KMT2C: variants seen among roughly 807,000 people sequenced by gnomAD.
KMT2C encodes lysine methyltransferase 2C.
A neutral mutation model predicts 507.9 loss-of-function variants in KMT2C; 88 were observed. The ratio of observed to expected loss-of-function variants is 0.17; its 90% confidence interval spans 0.15 to 0.21. The LOEUF (loss-of-function observed/expected upper bound fraction) is 0.21. KMT2C is among the 10% of genes least tolerant of loss of function. The pLI is 1.00. For missense variants in KMT2C, 4,954 were observed against 5,957.8 expected (o/e 0.83, Z 5.55); for synonymous variants, 2,049 against 2,080.8 (o/e 0.98, Z 0.42).
intron 14 of KMT2C, among the ~76,000 whole-genome samples, chr7:152,246,274 A>C (rs1210946235): frequency 1.2e-4 from 19 of 152,280 alleles, no homozygotes; most frequent in African/African-American, 4.6e-4. Context: ...GGAGGGAGGG[A>C]AAACACAGCC....
At chr7:152,387,469 ATT>A (rs34278604) in intron 1 of KMT2C, among the ~76,000 whole-genome samples, 8 of 115,700 alleles carry the variant, frequency 6.9e-5, no homozygotes, top group African/African-American at 2.3e-4. Context: ...GTATAATTCC[ATT>A]TTTTTTTTTT....
At chr7:152,165,909 A>T (rs773673346) in intron 42 of KMT2C, among the ~76,000 whole-genome samples, 1 of 152,154 alleles carries the variant, frequency 6.6e-6, no homozygotes, top group Non-Finnish European at 1.5e-5. Flanking sequence ...GCTGGTCTCG[A>T]ACTCCTGGCC....
At chr7:152,250,392 T>C (rs916260616) in intron 12 of KMT2C, among the ~76,000 whole-genome samples, 5 of 152,310 alleles carry the variant, frequency 3.3e-5, no homozygotes, top group African/African-American at 1.2e-4. Flanking sequence ...CATGGTCTCT[T>C]ATTAATTCCA....
At chr7:152,173,782 A>C (rs1006955110) in intron 39 of KMT2C, among the ~76,000 whole-genome samples, 1 of 152,184 alleles carries the variant, frequency 6.6e-6, no homozygotes, top group African/African-American at 2.4e-5. Flanking sequence ...TCAGTGTCTT[A>C]ACTGAAAAAA....
intron 6 of KMT2C, among the ~76,000 whole-genome samples, chr7:152,282,877 T>A (rs1344448183): frequency 6.9e-6 from 1 of 144,576 alleles, no homozygotes; most frequent in African/African-American, 2.6e-5. Context: ...AAATTAAGTT[T>A]TTTCTAGAAA....
chr7:152,345,556 G>T (rs535979188), intron 2 of KMT2C, among the ~76,000 whole-genome samples: 1 of 152,144 alleles, frequency 6.6e-6, no homozygotes, highest in South Asian at 2.1e-4. Context: ...ACAGAGTCTT[G>T]CTCTGTCGCC....
At chr7:152,337,493 C>T (rs1054078189) in intron 2 of KMT2C, among the ~76,000 whole-genome samples, 1 of 152,108 alleles carries the variant, frequency 6.6e-6, no homozygotes, top group Non-Finnish European at 1.5e-5. Flanking sequence ...TTATCCTACA[C>T]AAATTGGTTC....
chr7:152,364,629 A>AAAAAAAAAAAAAAAAAAAG (rs1554679999), intron 1 of KMT2C, among the ~76,000 whole-genome samples: 1 of 147,654 alleles, frequency 6.8e-6, no homozygotes, highest in African/African-American at 2.6e-5. Flanking sequence ...AAGAAAAGAA[A>AAAAAAAAAAAAAAAAAAAG]AAAAGAAAAA....
At chr7:152,346,921 TAA>T (rs541651870) in intron 2 of KMT2C, among the ~76,000 whole-genome samples, 3,780 of 152,196 alleles carry the variant, frequency 0.025, 155 homozygotes, top group African/African-American at 0.086. Flanking sequence ...GGTCAGGAGA[TAA>T]GAGACCATCC....
rs566835310 is a variant in KMT2C, at chr7:152,271,744, G to A, written c.1012+1961C>T. On this transcript the variant is annotated intron_variant, in intron 7 of 58. Coordinates refer to ENST00000262189, the MANE Select transcript of KMT2C (RefSeq NM_170606.3). ...ATTTAGGCCTTGATTTTACACCACC[G>A]ACTTAGTTTGAAGGCTGCTATAAGA... 2.4e-4 allele frequency among the ~76,000 whole-genome samples: 35 copies of A among 148,310 alleles called. No homozygotes were observed. The South Asian group carries it at 2.6e-3, about 11-fold the overall frequency.
intron 1 of KMT2C, among the ~76,000 whole-genome samples, chr7:152,398,016 T>C (rs2097547434): frequency 6.6e-6 from 1 of 152,208 alleles, no homozygotes. Context: ...TGCCTCCACA[T>C]CATTCACGTG....
intron 46 of KMT2C, among the ~76,000 whole-genome samples, 200 bp from the exon 47 acceptor site, chr7:152,154,645 G>A (rs1028517942): frequency 3.9e-5 from 6 of 152,160 alleles, no homozygotes; most frequent in African/African-American, 1.4e-4. Flanking sequence ...TAATTTAAAT[G>A]GTATGTTTCC....
intron 1 of KMT2C, among the ~76,000 whole-genome samples, chr7:152,391,166 A>AAAAAAAAAAC: frequency 6.7e-6 from 1 of 148,870 alleles, no homozygotes; most frequent in Non-Finnish European, 1.5e-5. Flanking sequence ...AAAAAAAAAA[A>AAAAAAAAAAC]AGCCTTAAAA....
chr7:152,417,123 AAATAT>A (rs2116710582), intron 1 of KMT2C, among the ~76,000 whole-genome samples: 1 of 152,144 alleles, frequency 6.6e-6, no homozygotes, highest in Non-Finnish European at 1.5e-5. Flanking sequence ...CTAAGGCATC[AAATAT>A]AAGAAGGAAA....
chr7:152,415,133 G>A (rs73491320), intron 1 of KMT2C, among the ~76,000 whole-genome samples: 4 of 152,070 alleles, frequency 2.6e-5, no homozygotes, highest in Admixed American at 6.6e-5. Flanking sequence ...GATGGCATCC[G>A]GCCTTCAATA....
At chr7:152,237,152 G>A (rs2095291537) in intron 15 of KMT2C, among the ~76,000 whole-genome samples, 1 of 152,072 alleles carries the variant, frequency 6.6e-6, no homozygotes, top group South Asian at 2.1e-4. Flanking sequence ...CAGATGCTCA[G>A]GAAAATACTT....
At chr7:152,190,818 T>C (rs1005323813) in intron 31 of KMT2C, among the ~76,000 whole-genome samples, 6 of 152,200 alleles carry the variant, frequency 3.9e-5, no homozygotes, top group Admixed American at 1.3e-4. Flanking sequence ...ATCAATTCTA[T>C]TGAAGTTACT....
In KMT2C at chr7:152,264,052, G is replaced by A. The variant is rs7798932; in HGVS notation, c.1185-922C>T. On this transcript the variant is annotated intron_variant, in intron 8 of 58. Coordinates refer to ENST00000262189, the MANE Select transcript of KMT2C (RefSeq NM_170606.3). ...AGTCACGTTTTATCTCCTCAGCTAC[G>A]TGGAAAGATCTTGGAGGACAAGTAC... Among the ~76,000 whole-genome samples the A allele has an allele frequency of 9.2e-5, 14 of 152,204 alleles. No individual in the cohort carries two copies. The East Asian group carries it at 1.2e-3, about 13-fold the overall frequency.
intron 6 of KMT2C, among the ~76,000 whole-genome samples, chr7:152,309,611 C>A (rs2129199049): frequency 6.6e-6 from 1 of 150,394 alleles, no homozygotes; most frequent in South Asian, 2.1e-4. Flanking sequence ...CCTCCACCTC[C>A]CAGATTCAAG....
Sources: allele counts gnomAD v4.1 joint callset (sites outside exome capture counted in the v4.1 genomes callset), GRCh38; gene constraint gnomAD v4.1.1; transcripts MANE v1.5; gene names NCBI Gene and HGNC (gene_info 2026-07-23, HGNC 2026-07-21).